Variants in FRMD4A observed in about 807,000 individuals in gnomAD.
FRMD4A encodes the protein FERM domain-containing protein 4A.
A neutral mutation model predicts 129.1 loss-of-function variants in FRMD4A; 29 were observed. That is an observed-to-expected ratio of 0.22 (90% CI 0.17 to 0.31). The LOEUF (loss-of-function observed/expected upper bound fraction) is 0.31, where lower values mean the gene tolerates loss of function less well. Among genes scored for constraint, FRMD4A ranks in the 10% least tolerant of loss-of-function variants. The pLI, the probability that FRMD4A is intolerant of heterozygous loss-of-function variation, is 1.00. For synonymous variants in FRMD4A, 634 were observed against 571.6 expected (o/e 1.11, Z -1.56); for missense variants, 1,272 against 1,375.8 (o/e 0.92, Z 1.19).
At chr10:14,109,586 C>G (rs1472576173) in intron 2 of FRMD4A, among the ~76,000 whole-genome samples, 2 of 152,222 alleles carry the variant, frequency 1.3e-5, no homozygotes, top group Non-Finnish European at 2.9e-5. Flanking sequence ...CCCTTTGTGT[C>G]TAAGCTGCCA....
At chr10:14,235,618 C>T (rs1352694250) in intron 2 of FRMD4A, among the ~76,000 whole-genome samples, 1 of 152,172 alleles carries the variant, frequency 6.6e-6, no homozygotes, top group African/African-American at 2.4e-5. Context: ...CCTGTTAACA[C>T]GGGTATAACA....
At chr10:14,185,591 A>AT (rs1554779728) in intron 2 of FRMD4A, among the ~76,000 whole-genome samples, 3 of 149,980 alleles carry the variant, frequency 2.0e-5, no homozygotes, top group African/African-American at 7.3e-5. Flanking sequence ...TGTAAGAAAG[A>AT]GAAACAGGTA....
intron 2 of FRMD4A, among the ~76,000 whole-genome samples, chr10:14,239,811 CTGAG>C (rs1274525407): frequency 1.3e-5 from 2 of 152,300 alleles, no homozygotes; most frequent in Admixed American, 6.5e-5. Flanking sequence ...AAGATGCTTT[CTGAG>C]TGAGTGTTTG....
At chr10:13,901,321 G>T (rs577775500) in intron 2 of FRMD4A, among the ~76,000 whole-genome samples, 49 of 152,314 alleles carry the variant, frequency 3.2e-4, no homozygotes, top group African/African-American at 1.1e-3. Flanking sequence ...ATTGAATGGA[G>T]GCTGGGTGTG....
chr10:13,670,605 G>A (rs954698256), intron 16 of FRMD4A, 77 bp from the exon 17 acceptor site: 36 of 1,388,906 alleles, frequency 2.6e-5, no homozygotes, highest in East Asian at 1.2e-4. Flanking sequence ...ACACACACAC[G>A]CACATACACG....
chr10:13,798,468 A>G (rs7084774), intron 4 of FRMD4A, among the ~76,000 whole-genome samples: 30,947 of 151,760 alleles, frequency 0.2, 3,519 homozygotes, highest in African/African-American at 0.29. Context: ...TGTAATCCCC[A>G]CACTTTGGGA....
At chr10:14,013,657 C>A (rs749807706) in intron 2 of FRMD4A, among the ~76,000 whole-genome samples, 2 of 152,186 alleles carry the variant, frequency 1.3e-5, no homozygotes, top group Non-Finnish European at 2.9e-5. Context: ...CCCAGCCAGG[C>A]AGGGTGACTC....
At chr10:13,752,990 C>G (rs1399901503) in intron 8 of FRMD4A, among the ~76,000 whole-genome samples, 1 of 152,178 alleles carries the variant, frequency 6.6e-6, no homozygotes, top group Non-Finnish European at 1.5e-5. Flanking sequence ...CCTGAATTAC[C>G]TGCCTAAATC....
At chr10:14,173,096 A>G (rs1034042228) in intron 2 of FRMD4A, among the ~76,000 whole-genome samples, 13 of 152,248 alleles carry the variant, frequency 8.5e-5, no homozygotes, top group African/African-American at 3.1e-4. Flanking sequence ...CAAAGAGATG[A>G]GGTAAATCAA....
intron 14 of FRMD4A, among the ~76,000 whole-genome samples, chr10:13,695,289 C>T (rs2086109940): frequency 1.3e-5 from 2 of 152,086 alleles, no homozygotes; most frequent in South Asian, 2.1e-4. Context: ...TACAGGTGTC[C>T]ACCACCACGC....
At chr10:14,189,535 T>C (rs1241900757) in intron 2 of FRMD4A, among the ~76,000 whole-genome samples, 1 of 151,892 alleles carries the variant, frequency 6.6e-6, no homozygotes, top group Admixed American at 6.6e-5. Flanking sequence ...GATTGCACCA[T>C]TGCACTCCAG....
At chr10:13,699,054 CTTTTT>C (rs34061856) in intron 14 of FRMD4A, among the ~76,000 whole-genome samples, 2 of 128,190 alleles carry the variant, frequency 1.6e-5, no homozygotes, top group Admixed American at 1.6e-4. Flanking sequence ...CTACAATAAT[CTTTTT>C]TTTTTTTTTT....
At chr10:14,069,816 G>A (rs956608804) in intron 2 of FRMD4A, among the ~76,000 whole-genome samples, 2 of 152,040 alleles carry the variant, frequency 1.3e-5, no homozygotes, top group East Asian at 1.9e-4. Context: ...ATATTTGCAC[G>A]GCCCATGGAA....
intron 3 of FRMD4A, among the ~76,000 whole-genome samples, chr10:13,813,175 T>G (rs897896633): frequency 6.6e-6 from 1 of 152,254 alleles, no homozygotes; most frequent in Non-Finnish European, 1.5e-5. Context: ...CCGGGCGCCA[T>G]GGCTCACGCC....
intron 3 of FRMD4A, among the ~76,000 whole-genome samples, chr10:13,850,840 T>G (rs943079992): frequency 3.9e-5 from 6 of 152,232 alleles, no homozygotes; most frequent in African/African-American, 1.4e-4. Context: ...TTATTTAATC[T>G]TTCTGAATTT....
chr10:13,713,836 GTA>G (rs2088315806), intron 12 of FRMD4A, among the ~76,000 whole-genome samples: 1 of 4,554 alleles, frequency 2.2e-4, no homozygotes, highest in Non-Finnish European at 3.2e-4. Flanking sequence ...ATACATATAT[GTA>G]ATATATATAC....
chr10:14,249,664 C>T (rs1269002497), intron 2 of FRMD4A, among the ~76,000 whole-genome samples: 1 of 152,112 alleles, frequency 6.6e-6, no homozygotes, highest in Non-Finnish European at 1.5e-5. Context: ...CATAGATATG[C>T]AAAACAATTT....
intron 14 of FRMD4A, among the ~76,000 whole-genome samples, chr10:13,699,486 G>A (rs1301051660): frequency 6.6e-6 from 1 of 152,162 alleles, no homozygotes; most frequent in Non-Finnish European, 1.5e-5. Context: ...GGGTGCAGCA[G>A]GAAAGCCATA....
chr10:13,817,603 A>G (rs562006253), intron 3 of FRMD4A, among the ~76,000 whole-genome samples: 2 of 152,318 alleles, frequency 1.3e-5, no homozygotes, highest in East Asian at 1.9e-4. Flanking sequence ...ATGGTAATGA[A>G]TAAGTCTCAC....
Sources: gnomAD v4.1 joint callset for allele counts (sites outside exome capture counted in the v4.1 genomes callset) on GRCh38, gnomAD v4.1.1 for gene constraint, MANE v1.5 for transcripts, NCBI Gene and HGNC (gene_info 2026-07-23, HGNC 2026-07-21) for gene names.